The following ADORA2B variants were observed in gnomAD, a reference collection of about 807,000 sequenced individuals.
ADORA2B encodes adenosine receptor A2b.
Under a neutral mutation model 20.8 loss-of-function variants are expected in ADORA2B, and 18 were observed. The observed-to-expected ratio is 0.87, with a 90% CI of 0.60 to 1.29. The LOEUF is 1.29. Ranked by LOEUF, ADORA2B falls within the 50% of genes most tolerant of loss-of-function variation. ADORA2B has a pLI of 0.00. For missense variants in ADORA2B, 441 were observed against 422.7 expected, an observed-to-expected ratio of 1.04 and a Z score of -0.38; for synonymous variants, 179 against 178.3, an observed-to-expected ratio of 1.00 and a Z score of -0.03.
chr17:15,883,318 CTA>C, the ADORA2B span, among the ~76,000 whole-genome samples: 2 of 152,188 alleles, frequency 1.3e-5, no homozygotes, highest in Non-Finnish European at 1.5e-5. Context: ...CTTTGGAGCG[CTA>C]GAACATTATA....
chr17:15,924,489 T>C, the ADORA2B span, among the ~76,000 whole-genome samples: 1 of 152,166 alleles, frequency 6.6e-6, no homozygotes, highest in African/African-American at 2.4e-5. Flanking sequence ...CAGTATTCTT[T>C]GGGAGGCCGA....
At chr17:15,956,844 C>T (rs1969972407) in intron 1 of ADORA2B, among the ~76,000 whole-genome samples, 1 of 152,142 alleles carries the variant, frequency 6.6e-6, no homozygotes, top group Non-Finnish European at 1.5e-5. Flanking sequence ...AGGTGTTCTA[C>T]TCGCCTCGGC....
At chr17:15,851,797 A>G in the ADORA2B span, among the ~76,000 whole-genome samples, 20 of 152,218 alleles carry the variant, frequency 1.3e-4, no homozygotes, top group Non-Finnish European at 2.4e-4. Flanking sequence ...TTCCTAGAAA[A>G]GGAAAATGGA....
At chr17:15,904,391 CTT>C in the ADORA2B span, among the ~76,000 whole-genome samples, 7,596 of 125,894 alleles carry the variant, frequency 0.06, 246 homozygotes, top group African/African-American at 0.21. Context: ...TGTACTTCTG[CTT>C]TTTTTTTTTT....
chr17:15,884,467 A>G, the ADORA2B span, among the ~76,000 whole-genome samples: 1 of 152,132 alleles, frequency 6.6e-6, no homozygotes, highest in African/African-American at 2.4e-5. Context: ...ATAGGTAAAC[A>G]TGTGCCATGG....
the ADORA2B span, among the ~76,000 whole-genome samples, chr17:15,914,858 T>G: frequency 6.6e-6 from 1 of 152,230 alleles, no homozygotes; most frequent in Non-Finnish European, 1.5e-5. Flanking sequence ...ACTTGTGCAC[T>G]GACTTTAGAT....
At chr17:15,877,398 A>G in the ADORA2B span, among the ~76,000 whole-genome samples, 1 of 152,162 alleles carries the variant, frequency 6.6e-6, no homozygotes, top group Non-Finnish European at 1.5e-5. Context: ...GCGGCCTGCA[A>G]CTATGGTCTT....
intron 1 of ADORA2B, among the ~76,000 whole-genome samples, chr17:15,972,959 C>T (rs997527341): frequency 3.3e-5 from 5 of 152,144 alleles, no homozygotes; most frequent in African/African-American, 1.2e-4. Context: ...TGGAGTTTCA[C>T]CATGTTGCCC....
chr17:15,895,541 C>T, the ADORA2B span, among the ~76,000 whole-genome samples: 1 of 152,124 alleles, frequency 6.6e-6, no homozygotes, highest in Non-Finnish European at 1.5e-5. Context: ...CGTCCATGAT[C>T]CATGCCATCT....
At chr17:15,859,783 A>G in the ADORA2B span, among the ~76,000 whole-genome samples, 4 of 152,212 alleles carry the variant, frequency 2.6e-5, no homozygotes, top group East Asian at 3.8e-4. Context: ...GAAACTCCAT[A>G]TCTAAAAAAG....
intron 1 of ADORA2B, among the ~76,000 whole-genome samples, chr17:15,955,388 CTTTT>C (rs746303855): frequency 1.3e-4 from 19 of 150,810 alleles, no homozygotes; most frequent in Non-Finnish European, 2.2e-4. Flanking sequence ...CTCTGGGATT[CTTTT>C]TTTGTTTTTT....
chr17:15,881,177 C>G, the ADORA2B span, among the ~76,000 whole-genome samples: 1 of 152,168 alleles, frequency 6.6e-6, no homozygotes, highest in East Asian at 1.9e-4. Flanking sequence ...TCTTGGCTCA[C>G]TGCAACCTCT....
At chr17:15,932,301 T>C in the ADORA2B span, among the ~76,000 whole-genome samples, 1 of 151,872 alleles carries the variant, frequency 6.6e-6, no homozygotes, top group African/African-American at 2.4e-5. Flanking sequence ...GAGACCAGCC[T>C]GGCCAACATG....
intron 1 of ADORA2B, among the ~76,000 whole-genome samples, chr17:15,951,695 C>T (rs1969904051): frequency 6.6e-6 from 1 of 152,218 alleles, no homozygotes; most frequent in Non-Finnish European, 1.5e-5. Context: ...TAATTCAATC[C>T]AGAGGATACC....
chr17:15,894,568 C>G, the ADORA2B span, among the ~76,000 whole-genome samples: 631 of 152,290 alleles, frequency 4.1e-3, 8 homozygotes, highest in African/African-American at 0.014. Flanking sequence ...GCTTCCATGG[C>G]TCAGGTTTGG....
the ADORA2B span, among the ~76,000 whole-genome samples, chr17:15,907,848 C>T: frequency 6.6e-6 from 1 of 152,150 alleles, no homozygotes; most frequent in Non-Finnish European, 1.5e-5. Context: ...GTGGTGGTGA[C>T]GAGGTGAGCG....
chr17:15,955,428 C>T (rs1969954712), intron 1 of ADORA2B, among the ~76,000 whole-genome samples: 1 of 149,354 alleles, frequency 6.7e-6, no homozygotes, highest in African/African-American at 2.5e-5. Context: ...GAGACAGAGT[C>T]TCGCTTGTTG....
chr17:15,943,482 G>A (rs147152000), upstream of ADORA2B, among the ~76,000 whole-genome samples: 814 of 152,202 alleles, frequency 5.3e-3, 7 homozygotes, highest in African/African-American at 0.018. Context: ...ACCTGCCACC[G>A]TGCCTGGCTG....
the ADORA2B span, chr17:15,860,887 T>A: frequency 1.2e-5 from 2 of 167,584 alleles, no homozygotes; most frequent in Admixed American, 6.0e-5. Flanking sequence ...AGTTCCTTGC[T>A]GGAGTCACTC....
Sources: allele counts gnomAD v4.1 joint callset (sites outside exome capture counted in the v4.1 genomes callset), GRCh38; gene constraint gnomAD v4.1.1; transcripts MANE v1.5; gene names NCBI Gene and HGNC (gene_info 2026-07-23, HGNC 2026-07-21).